The following FRMD3 variants were observed in gnomAD, a reference collection of about 807,000 sequenced individuals.
FRMD3 encodes FERM domain-containing protein 3.
Under a neutral mutation model 70.2 loss-of-function variants are expected in FRMD3, and 33 were observed. The ratio of observed to expected loss-of-function variants is 0.47; its 90% CI spans 0.36 to 0.63. The LOEUF is 0.63. FRMD3 is among the 20% of genes least tolerant of loss of function. The pLI is 0.00. For synonymous variants in FRMD3, 279 were observed against 255.9 expected, an observed-to-expected ratio of 1.09 and a Z score of -0.86; for missense variants, 632 against 711.4, an observed-to-expected ratio of 0.89 and a Z score of 1.27.
chr9:83,343,157 A>C, intron 5 of FRMD3, 33 bp downstream of exon 5: 1 of 1,446,158 alleles, frequency 6.9e-7, no homozygotes, highest in Non-Finnish European at 9.7e-7. Flanking sequence ...CCACAGTGCA[A>C]AGGTGGCGTG....
At chr9:83,318,536 T>C (rs566858453) in intron 6 of FRMD3, among the ~76,000 whole-genome samples, 34 of 152,184 alleles carry the variant, frequency 2.2e-4, no homozygotes, top group African/African-American at 5.1e-4. Flanking sequence ...CAGTTCTCCA[T>C]TGATGGACAC....
intron 1 of FRMD3, among the ~76,000 whole-genome samples, chr9:83,492,513 G>T (rs567917809): frequency 1.3e-5 from 2 of 152,072 alleles, no homozygotes; most frequent in Non-Finnish European, 2.9e-5. Context: ...CCTCCTTTCC[G>T]CCCGTGCTCC....
chr9:83,320,529 A>C (rs1052321552), intron 6 of FRMD3, among the ~76,000 whole-genome samples: 4 of 151,106 alleles, frequency 2.6e-5, no homozygotes, highest in Admixed American at 6.6e-5. Context: ...TTTTCTTTTT[A>C]TTTGCTGAAA....
chr9:83,443,019 G>A (rs927061851), intron 1 of FRMD3, among the ~76,000 whole-genome samples: 12 of 152,202 alleles, frequency 7.9e-5, no homozygotes, highest in Admixed American at 5.2e-4. Context: ...GGCCTTAGAT[G>A]TGTATGTATA....
intron 3 of FRMD3, among the ~76,000 whole-genome samples, chr9:83,363,982 A>AT (rs1416743809): frequency 2.6e-5 from 4 of 152,130 alleles, no homozygotes; most frequent in Admixed American, 2.0e-4. Context: ...AATAATTACA[A>AT]TTTTCTCAGT....
chr9:83,415,644 T>G (rs914456710), intron 1 of FRMD3, among the ~76,000 whole-genome samples: 1 of 143,806 alleles, frequency 7.0e-6, no homozygotes, highest in Non-Finnish European at 1.5e-5. Flanking sequence ...GGATTTTTAC[T>G]AGAGACAGAG....
intron 1 of FRMD3, among the ~76,000 whole-genome samples, chr9:83,413,113 C>T (rs1050869864): frequency 2.6e-5 from 4 of 152,170 alleles, no homozygotes; most frequent in African/African-American, 9.7e-5. Flanking sequence ...TAGTGGGCTA[C>T]AGGTAACTCT....
chr9:83,479,734 A>AGAAG (rs1828511700), intron 1 of FRMD3, among the ~76,000 whole-genome samples: 1 of 53,254 alleles, frequency 1.9e-5, no homozygotes, highest in Admixed American at 1.6e-4. Flanking sequence ...AGAAAGGGAA[A>AGAAG]GAAAGAAAAA....
Position 83,459,179 on chromosome 9 carries a change from T to A in FRMD3, c.148-69471A>T, listed in dbSNP as rs142433142. The stretch of plus-strand genomic sequence containing the variant: ...GAAATTGAGTCTTGTAGAGAATCAA[T>A]AGATTCCATTTGTCCATCACTTAAG... On this transcript the variant is annotated intron_variant, in intron 1 of 13. Coordinates refer to ENST00000304195, the MANE Select transcript of FRMD3 (RefSeq NM_174938.6). Among the ~76,000 whole-genome samples the A allele has an allele frequency of 2.1e-3, 319 of 152,332 alleles. 3 individuals are homozygous for A. The highest frequency in any genetic ancestry group is 7.6e-3 in the African/African-American group (315 of 41,592).
intron 1 of FRMD3, among the ~76,000 whole-genome samples, chr9:83,468,173 G>A (rs1256043087): frequency 6.6e-6 from 1 of 152,064 alleles, no homozygotes; most frequent in Non-Finnish European, 1.5e-5. Flanking sequence ...TTAAATTACA[G>A]GTTTTATATT....
chr9:83,388,571 C>T (rs1054277144), intron 2 of FRMD3, among the ~76,000 whole-genome samples: 2 of 152,152 alleles, frequency 1.3e-5, no homozygotes, highest in Admixed American at 6.5e-5. Flanking sequence ...GCACACATCA[C>T]GTGGTTCTGG....
chr9:83,557,431 T>C, the FRMD3 span, among the ~76,000 whole-genome samples: 1 of 152,182 alleles, frequency 6.6e-6, no homozygotes, highest in Non-Finnish European at 1.5e-5. Context: ...AAATGCAGAA[T>C]TGTGCTTTTT....
At chr9:83,467,691 A>G in intron 1 of FRMD3, 1 of 1,535,172 alleles carries the variant, frequency 6.5e-7, no homozygotes, top group Non-Finnish European at 8.7e-7. Flanking sequence ...GTGATCTGCT[A>G]GTGCCTTAAA....
chr9:83,435,698 G>A lies in FRMD3; in HGVS notation c.148-45990C>T, dbSNP rs531756619. ...TATTTGGGTTTGAGGGGCAAGGGGC[G>A]TTAGAATTAAGACAAATCCATTTTG... is the stretch of plus-strand genomic sequence containing the variant. On this transcript the variant is annotated intron_variant, in intron 1 of 13. Transcript: ENST00000304195. Among the ~76,000 whole-genome samples the A allele has an allele frequency of 3.1e-4, 47 of 152,310 alleles. 1 individual carries two copies. In the South Asian group the frequency reaches 3.7e-3, roughly 12 times the overall value.
intron 13 of FRMD3, among the ~76,000 whole-genome samples, chr9:83,259,908 G>GA (rs1323756213): frequency 1.3e-5 from 2 of 151,986 alleles, no homozygotes; most frequent in Non-Finnish European, 2.9e-5. Flanking sequence ...AGTGGGAGAG[G>GA]AAAAAAGAGC....
At chr9:83,505,454 G>A (rs1829160869) in intron 1 of FRMD3, among the ~76,000 whole-genome samples, 1 of 152,174 alleles carries the variant, frequency 6.6e-6, no homozygotes, top group African/African-American at 2.4e-5. Flanking sequence ...TTTACTAAGA[G>A]GATTACTTAC....
At chr9:83,568,792 G>A in the FRMD3 span, among the ~76,000 whole-genome samples, 1 of 152,164 alleles carries the variant, frequency 6.6e-6, no homozygotes, top group Non-Finnish European at 1.5e-5. Context: ...ATGTCTCAGT[G>A]TAAAAAATGA....
At chr9:83,556,585 T>C in the FRMD3 span, among the ~76,000 whole-genome samples, 2 of 152,250 alleles carry the variant, frequency 1.3e-5, no homozygotes, top group South Asian at 2.1e-4. Flanking sequence ...TTATTTGCTA[T>C]TAAATGACTG....
chr9:83,347,588 A>G (rs1666921834), intron 4 of FRMD3, among the ~76,000 whole-genome samples: 1 of 152,204 alleles, frequency 6.6e-6, no homozygotes, highest in Non-Finnish European at 1.5e-5. Flanking sequence ...AATGATTTCA[A>G]ATATCACTTT....
Sources: allele counts gnomAD v4.1 joint callset (sites outside exome capture counted in the v4.1 genomes callset), GRCh38; gene constraint gnomAD v4.1.1; transcripts MANE v1.5; gene names NCBI Gene and HGNC (gene_info 2026-07-23, HGNC 2026-07-21).